Variants in CNTNAP5 observed in about 807,000 individuals in gnomAD.
CNTNAP5 encodes the protein contactin associated protein family member 5.
A neutral mutation model predicts 150.2 loss-of-function variants in CNTNAP5; 72 were observed. The ratio of observed to expected loss-of-function variants is 0.48; its 90% CI spans 0.40 to 0.58. The LOEUF (loss-of-function observed/expected upper bound fraction) is 0.58. Ranked by LOEUF, CNTNAP5 falls within the 20% of genes least tolerant of loss-of-function variation. CNTNAP5 has a pLI of 0.00. For synonymous variants in CNTNAP5, 672 were observed against 619.8 expected, an observed-to-expected ratio of 1.08 and a Z score of -1.25; for missense variants, 1,636 against 1,626.2, an observed-to-expected ratio of 1.01 and a Z score of -0.10.
chr2:124,871,946 ATTC>A (rs1036669611), intron 21 of CNTNAP5, among the ~76,000 whole-genome samples: 46 of 151,888 alleles, frequency 3.0e-4, no homozygotes, highest in African/African-American at 1.0e-3. Context: ...TATCTACTCA[ATTC>A]TTCTAGATCT....
intron 3 of CNTNAP5, among the ~76,000 whole-genome samples, chr2:124,399,867 A>G (rs749954065): frequency 6.6e-6 from 1 of 152,148 alleles, no homozygotes; most frequent in Non-Finnish European, 1.5e-5. Flanking sequence ...GCCTCTCTGA[A>G]GCACTCTAGC....
At chr2:124,034,126 G>A (rs951050315) in intron 1 of CNTNAP5, among the ~76,000 whole-genome samples, 2 of 152,198 alleles carry the variant, frequency 1.3e-5, no homozygotes, top group South Asian at 4.1e-4. Flanking sequence ...AAAAAGGACA[G>A]TGAGAAGGGC....
chr2:124,242,088 G>T, intron 2 of CNTNAP5, 112 bp from the exon 3 acceptor site: 1 of 810,714 alleles, frequency 1.2e-6, no homozygotes, highest in South Asian at 1.7e-5. Flanking sequence ...GGCCCATTTG[G>T]GGGTAGAGTC....
intron 11 of CNTNAP5, among the ~76,000 whole-genome samples, chr2:124,599,422 G>A (rs943322551): frequency 6.6e-6 from 1 of 151,662 alleles, no homozygotes; most frequent in African/African-American, 2.4e-5. Context: ...CATTCCCTTG[G>A]CCATTATGTA....
chr2:124,248,846 T>A (rs996031543), intron 3 of CNTNAP5, among the ~76,000 whole-genome samples: 3 of 152,184 alleles, frequency 2.0e-5, no homozygotes, highest in African/African-American at 7.2e-5. Context: ...TACAAACTGG[T>A]TGCATGTGTA....
intron 3 of CNTNAP5, among the ~76,000 whole-genome samples, chr2:124,245,262 T>G (rs1686988387): frequency 1.3e-5 from 2 of 152,172 alleles, no homozygotes; most frequent in African/African-American, 4.8e-5. Flanking sequence ...TTACAAACAC[T>G]TCACAGAAAT....
At chr2:124,348,332 G>A (rs951915979) in intron 3 of CNTNAP5, among the ~76,000 whole-genome samples, 2 of 151,650 alleles carry the variant, frequency 1.3e-5, no homozygotes, top group Non-Finnish European at 2.9e-5. Flanking sequence ...TTGCTTAATT[G>A]CTCTGGCTTA....
chr2:124,192,674 C>T (rs1045541989), intron 1 of CNTNAP5, among the ~76,000 whole-genome samples: 4 of 152,130 alleles, frequency 2.6e-5, no homozygotes, highest in Non-Finnish European at 5.9e-5. Flanking sequence ...AATCTCAGAT[C>T]CTTCTCTGAC....
At chr2:124,406,923 G>T (rs1691584998) in intron 3 of CNTNAP5, among the ~76,000 whole-genome samples, 1 of 151,962 alleles carries the variant, frequency 6.6e-6, no homozygotes, top group African/African-American at 2.4e-5. Flanking sequence ...CTTACTTTTA[G>T]CTCTCACATA....
At chr2:124,715,591 C>T (rs150613169) in intron 13 of CNTNAP5, among the ~76,000 whole-genome samples, 19 of 152,182 alleles carry the variant, frequency 1.2e-4, no homozygotes, top group Middle Eastern at 3.4e-3. Context: ...TATACATGTG[C>T]CATGTTGGTA....
chr2:124,328,156 G>A (rs1437353950), intron 3 of CNTNAP5, among the ~76,000 whole-genome samples: 1 of 150,814 alleles, frequency 6.6e-6, no homozygotes, highest in Non-Finnish European at 1.5e-5. Context: ...TTTTTTTGAA[G>A]GACAATGTAT....
chr2:124,542,272 G>C (rs1478208039), intron 10 of CNTNAP5, among the ~76,000 whole-genome samples: 1 of 148,146 alleles, frequency 6.8e-6, no homozygotes, highest in Non-Finnish European at 1.5e-5. Context: ...CATTCCATCT[G>C]TGTGCATTTA....
rs139417285 is a variant in CNTNAP5, at chr2:124,656,840, A to C, written c.2077+8882A>C. On this transcript the variant is annotated intron_variant, in intron 13 of 23. Coordinates refer to ENST00000682447, the MANE Select transcript of CNTNAP5 (RefSeq NM_001367498.1). ...AATGCACATGTAGGAAGAAGAATAC[A>C]ATGTTCTAATATTAAGATACGGTAC... Among the ~76,000 whole-genome samples the C allele has an allele frequency of 5.3e-5, 8 of 152,306 alleles. No individual in the cohort carries two copies. The East Asian group carries it at 1.4e-3, about 26-fold the overall frequency.
chr2:124,885,348 A>G (rs62173291), intron 21 of CNTNAP5, among the ~76,000 whole-genome samples: 16,775 of 152,002 alleles, frequency 0.11, 1,051 homozygotes, highest in African/African-American at 0.15. Context: ...CAGTACTTGG[A>G]TGAGGGCTTG....
At chr2:124,580,255 G>A (rs554178095) in intron 11 of CNTNAP5, among the ~76,000 whole-genome samples, 1 of 152,310 alleles carries the variant, frequency 6.6e-6, no homozygotes, top group Non-Finnish European at 1.5e-5. Context: ...ATCAAGTTTA[G>A]CCTAAAGCTG....
At chr2:124,799,780 AAAT>A (rs1299150889) in intron 19 of CNTNAP5, among the ~76,000 whole-genome samples, 1 of 152,232 alleles carries the variant, frequency 6.6e-6, no homozygotes, top group Non-Finnish European at 1.5e-5. Context: ...GCATGAAGTG[AAAT>A]AATGATGATG....
intron 4 of CNTNAP5, among the ~76,000 whole-genome samples, chr2:124,432,253 T>C (rs1692410339): frequency 6.6e-6 from 1 of 152,188 alleles, no homozygotes; most frequent in African/African-American, 2.4e-5. Flanking sequence ...CCATGTGTGG[T>C]ATGTCTCAGC....
chr2:124,596,127 T>C (rs1696824220), intron 11 of CNTNAP5, among the ~76,000 whole-genome samples: 1 of 132,236 alleles, frequency 7.6e-6, no homozygotes, highest in Non-Finnish European at 1.6e-5. Flanking sequence ...GTTTTTTGTG[T>C]CTCTATTTCC....
chr2:124,832,153 A>C (rs940282669), intron 19 of CNTNAP5, among the ~76,000 whole-genome samples: 1 of 152,112 alleles, frequency 6.6e-6, no homozygotes, highest in Non-Finnish European at 1.5e-5. Flanking sequence ...CTCTTCAGTA[A>C]ATCCAGGCAA....
Sources: gnomAD v4.1 joint callset for allele counts (sites outside exome capture counted in the v4.1 genomes callset) on GRCh38, gnomAD v4.1.1 for gene constraint, MANE v1.5 for transcripts, NCBI Gene and HGNC (gene_info 2026-07-23, HGNC 2026-07-21) for gene names.